DPP10: variants seen among roughly 807,000 people sequenced by gnomAD.
The protein encoded by DPP10 is inactive dipeptidyl peptidase 10.
In DPP10, 33 loss-of-function variants were observed where a neutral mutation model predicts 120.9. The observed-to-expected ratio is 0.27, with a 90% CI of 0.21 to 0.37. DPP10 has a LOEUF of 0.37. Among genes scored for constraint, DPP10 ranks in the 10% least tolerant of loss-of-function variants. DPP10 has a pLI of 1.00. For synonymous variants in DPP10, 337 were observed against 326.1 expected (o/e 1.03, Z -0.36); for missense variants, 816 against 942.8 (o/e 0.87, Z 1.76).
intron 5 of DPP10, among the ~76,000 whole-genome samples, chr2:115,608,831 A>G (rs1325160428): frequency 6.6e-6 from 1 of 152,030 alleles, no homozygotes; most frequent in East Asian, 1.9e-4. Flanking sequence ...TAATGACAAG[A>G]TGATATCAAA....
chr2:114,976,758 C>A (rs1421690653), intron 1 of DPP10, among the ~76,000 whole-genome samples: 2 of 152,142 alleles, frequency 1.3e-5, no homozygotes, highest in East Asian at 1.9e-4. Flanking sequence ...GTGATAAATT[C>A]TCCTAGTATT....
intron 5 of DPP10, among the ~76,000 whole-genome samples, chr2:115,603,461 T>C (rs1575309060): frequency 6.6e-6 from 1 of 151,322 alleles, no homozygotes. Context: ...GAGAGGAAGG[T>C]AAGCAAGGGT....
chr2:115,209,045 A>G (rs1164816427), intron 1 of DPP10, among the ~76,000 whole-genome samples: 1 of 152,162 alleles, frequency 6.6e-6, no homozygotes, highest in Admixed American at 6.6e-5. Context: ...GCTAGCTCTA[A>G]CTATTAAGTA....
chr2:114,606,464 G>A (rs1692811717), intron 1 of DPP10, among the ~76,000 whole-genome samples: 1 of 152,098 alleles, frequency 6.6e-6, no homozygotes, highest in Non-Finnish European at 1.5e-5. Context: ...GTTGTCTTAT[G>A]TACCAGATCT....
rs116288510 is a variant in DPP10 at position 114,666,005 on chromosome 2, C to T, written c.60+223167C>T. Among the ~76,000 whole-genome samples, 945 of 152,208 alleles carry T rather than the reference C, an allele frequency of 6.2e-3. 6 individuals carry two copies. The highest frequency in any genetic ancestry group is 0.022 in the African/African-American group (908 of 41,542). On this transcript the variant is annotated intron_variant, in intron 1 of 25. Transcript: ENST00000410059. ...TATACAGCCCATCGGGTCAGAACCTCGAAAGGGATGGATGGAGACACACCA... is the reference window on the plus strand; with the variant it reads ...TATACAGCCCATCGGGTCAGAACCTTGAAAGGGATGGATGGAGACACACCA...
chr2:114,722,775 C>CAAAAAA (rs61497158), intron 1 of DPP10, among the ~76,000 whole-genome samples: 11 of 55,860 alleles, frequency 2.0e-4, no homozygotes, highest in Admixed American at 5.6e-4. Context: ...GGCTCTGTCT[C>CAAAAAA]AAAAAAAAAA....
chr2:115,770,119 C>T (rs4849424), intron 13 of DPP10, among the ~76,000 whole-genome samples: 128,250 of 151,994 alleles, frequency 0.84, 54,941 homozygotes, highest in Middle Eastern at 0.95. Context: ...TAGATCTTAC[C>T]CATTCTATCT....
At position 115,814,902 on chromosome 2, in the gene DPP10, A is replaced by T. The variant is rs1162990154; in HGVS notation, c.1810A>T (p.Ser604Cys). 6.2e-7 allele frequency: 1 copy of T among 1,612,884 alleles called. No homozygotes were observed. The highest frequency in any genetic ancestry group is 1.7e-5 in the Admixed American group (1 of 60,002). ...VIVARFDGRG[S>C]GFQGLKILQE... ...TGTAGCAAGATTTGATGGCAGAGGA[A>T]GTGGATTCCAGGGTCTGAAAATTTT... is the stretch of plus-strand genomic sequence containing the variant. Residue 604 changes from serine (S) to cysteine (C), a missense_variant, in exon 20 of 26, where the codon AGT (serine) becomes TGT (cysteine). Physicochemically the swap from Ser to Cys is moderately radical, Grantham distance 112. Coordinates refer to ENST00000410059, the MANE Select transcript of DPP10 (RefSeq NM_020868.6).
intron 1 of DPP10, among the ~76,000 whole-genome samples, chr2:114,695,796 G>T (rs760493173): frequency 1.3e-5 from 2 of 151,974 alleles, no homozygotes; most frequent in Non-Finnish European, 2.9e-5. Flanking sequence ...TCATTCAAAG[G>T]CAATTTTTAT....
chr2:115,776,685 G>T (rs1311201025), intron 13 of DPP10, among the ~76,000 whole-genome samples: 3 of 151,996 alleles, frequency 2.0e-5, no homozygotes, highest in Non-Finnish European at 4.4e-5. Context: ...ATATTAAAAT[G>T]TTGGTCCTAT....
intron 7 of DPP10, among the ~76,000 whole-genome samples, chr2:115,727,412 C>A (rs13022044): frequency 0.29 from 44,436 of 151,850 alleles, 6,776 homozygotes; most frequent in Middle Eastern, 0.44. Flanking sequence ...AAAGTAAAGA[C>A]CCCAAATTGA....
chr2:115,167,573 C>T (rs1255222770), intron 1 of DPP10, among the ~76,000 whole-genome samples: 1 of 143,442 alleles, frequency 7.0e-6, no homozygotes, highest in Non-Finnish European at 1.5e-5. Context: ...TGCCACTGCA[C>T]TCTAGCTTGG....
chr2:115,336,806 C>T (rs1386248911), intron 2 of DPP10, among the ~76,000 whole-genome samples: 2 of 151,728 alleles, frequency 1.3e-5, no homozygotes, highest in Admixed American at 6.6e-5. Flanking sequence ...GAAAGAGTGT[C>T]TCAAAATGAT....
chr2:114,866,980 G>T (rs1021744182), intron 1 of DPP10, among the ~76,000 whole-genome samples: 3 of 152,152 alleles, frequency 2.0e-5, no homozygotes, highest in African/African-American at 4.8e-5. Context: ...GGTTGTCATT[G>T]GTTCTTGCCT....
chr2:115,769,246 G>C (rs886807913), intron 13 of DPP10, among the ~76,000 whole-genome samples: 1 of 151,988 alleles, frequency 6.6e-6, no homozygotes, highest in South Asian at 2.1e-4. Flanking sequence ...TTACAAACTA[G>C]CTAAGAGTAA....
chr2:115,333,752 C>T (rs2062909799), intron 2 of DPP10, among the ~76,000 whole-genome samples: 1 of 151,950 alleles, frequency 6.6e-6, no homozygotes, highest in Non-Finnish European at 1.5e-5. Context: ...AATATTGGCC[C>T]CCACTCTCTT....
At chr2:114,557,145 G>T (rs867183156) in intron 1 of DPP10, among the ~76,000 whole-genome samples, 1 of 152,086 alleles carries the variant, frequency 6.6e-6, no homozygotes, top group African/African-American at 2.4e-5. Flanking sequence ...GATGAATGCT[G>T]TGGCTTCCTT....
At chr2:114,565,271 C>T (rs1337990567) in intron 1 of DPP10, among the ~76,000 whole-genome samples, 1 of 152,164 alleles carries the variant, frequency 6.6e-6, no homozygotes, top group African/African-American at 2.4e-5. Context: ...TCTTTTAGGC[C>T]TCAAAATGCC....
chr2:114,844,451 T>C (rs2106461609), intron 1 of DPP10, among the ~76,000 whole-genome samples: 1 of 151,768 alleles, frequency 6.6e-6, no homozygotes, highest in African/African-American at 2.4e-5. Flanking sequence ...TACCAGGTTC[T>C]TGCTAAGGTT....
Sources: gnomAD v4.1 joint callset for allele counts (sites outside exome capture counted in the v4.1 genomes callset) on GRCh38, gnomAD v4.1.1 for gene constraint, MANE v1.5 for transcripts, NCBI Gene and HGNC (gene_info 2026-07-23, HGNC 2026-07-21) for gene names.